NTM: variants seen among roughly 807,000 people sequenced by gnomAD.
The protein encoded by NTM is neurotrimin.
NTM carries 13 observed loss-of-function variants against 42.1 expected under a neutral mutation model. The observed-to-expected ratio is 0.31, with a 90% confidence interval of 0.20 to 0.49. The LOEUF (loss-of-function observed/expected upper bound fraction) is 0.49. Among genes scored for constraint, NTM ranks in the 20% least tolerant of loss-of-function variants. NTM has a pLI of 0.99. For synonymous variants in NTM, 187 were observed against 179.2 expected, an observed-to-expected ratio of 1.04 and a Z score of -0.35; for missense variants, 373 against 452.8, an observed-to-expected ratio of 0.82 and a Z score of 1.60.
intron 1 of NTM, among the ~76,000 whole-genome samples, chr11:131,484,726 T>A (rs1182854244): frequency 1.3e-5 from 2 of 152,114 alleles, no homozygotes; most frequent in Non-Finnish European, 2.9e-5. Context: ...GGGTCTGAAG[T>A]CCTAAAGACA....
At chr11:131,440,046 T>C (rs1949486787) in intron 1 of NTM, among the ~76,000 whole-genome samples, 1 of 151,946 alleles carries the variant, frequency 6.6e-6, no homozygotes, top group African/African-American at 2.4e-5. Flanking sequence ...TTTTCTCCTC[T>C]TATTTTCTTG....
chr11:131,932,817 C>A (rs539972531), intron 2 of NTM, among the ~76,000 whole-genome samples: 1 of 152,360 alleles, frequency 6.6e-6, no homozygotes, highest in Admixed American at 6.5e-5. Flanking sequence ...ACAGCCGATC[C>A]TTGGGGCATC....
At chr11:132,232,135 G>A (rs1272654797) in intron 4 of NTM, among the ~76,000 whole-genome samples, 3 of 152,236 alleles carry the variant, frequency 2.0e-5, no homozygotes, top group East Asian at 1.9e-4. Flanking sequence ...GAGCTCTGCA[G>A]CTGGAGAGTG....
At chr11:132,330,880 AGGC>A (rs1488048398) in intron 8 of NTM, among the ~76,000 whole-genome samples, 22 of 152,182 alleles carry the variant, frequency 1.4e-4, no homozygotes, top group Non-Finnish European at 4.4e-5. Flanking sequence ...CCATGTCACT[AGGC>A]AGATGGGCTG....
chr11:132,081,948 T>TTATA (rs10547769), intron 2 of NTM, among the ~76,000 whole-genome samples: 188 of 144,202 alleles, frequency 1.3e-3, no homozygotes, highest in African/African-American at 4.7e-3. Context: ...ATATATATAT[T>TTATA]TATATATATA....
At chr11:132,075,147 G>A (rs1163075029) in intron 2 of NTM, among the ~76,000 whole-genome samples, 1 of 152,080 alleles carries the variant, frequency 6.6e-6, no homozygotes, top group Non-Finnish European at 1.5e-5. Context: ...CAAATTCATA[G>A]AATCAAAGAG....
intron 4 of NTM, among the ~76,000 whole-genome samples, chr11:132,230,653 A>G (rs551888388): frequency 6.6e-6 from 1 of 152,352 alleles, no homozygotes; most frequent in East Asian, 1.9e-4. Flanking sequence ...TAAGACCGTG[A>G]TAGGATGTAT....
At position 132,002,760 on chromosome 11, in the gene NTM, C is replaced by G. The variant is rs926839215; in HGVS notation, c.167+91112C>G. ...GTTCTGCCACTTCCTTACTCTGTCT[C>G]TTTATCAATAAACTCATTGGGAAAA... On this transcript the variant is annotated intron_variant, in intron 2 of 8. Coordinates refer to ENST00000683400, the MANE Select transcript of NTM (RefSeq NM_001352005.2). The surrounding 1 kb of genome is among the most constrained non-coding windows in gnomAD (Gnocchi z 4.5). 6.6e-6 allele frequency among the ~76,000 whole-genome samples: 1 copy of G among 152,162 alleles called. No individual in the cohort carries two copies. The highest frequency in any genetic ancestry group is 2.4e-5 in the African/African-American group (1 of 41,410).
chr11:131,690,293 C>T (rs768884608), intron 1 of NTM, among the ~76,000 whole-genome samples: 3 of 152,158 alleles, frequency 2.0e-5, no homozygotes, highest in Admixed American at 6.5e-5. Context: ...TTCCAGAAAT[C>T]GAGGGGCAGG....
At chr11:132,235,574 G>A (rs988764941) in intron 4 of NTM, among the ~76,000 whole-genome samples, 6 of 152,058 alleles carry the variant, frequency 3.9e-5, no homozygotes, top group Admixed American at 2.0e-4. Flanking sequence ...TCCCTATGTA[G>A]CACTAACTCA....
At chr11:131,505,135 A>G (rs1666698189) in intron 1 of NTM, among the ~76,000 whole-genome samples, 2 of 152,006 alleles carry the variant, frequency 1.3e-5, no homozygotes, top group South Asian at 2.1e-4. Flanking sequence ...CATCTAAGAA[A>G]TAGGGGTAAT....
chr11:131,732,920 AATATT>A (rs772236128), intron 1 of NTM, among the ~76,000 whole-genome samples: 190 of 152,318 alleles, frequency 1.2e-3, no homozygotes, highest in African/African-American at 4.3e-3. Flanking sequence ...GTTTTACATT[AATATT>A]ATGTCAGTGA....
intron 1 of NTM, among the ~76,000 whole-genome samples, chr11:131,728,733 C>T (rs1014124283): frequency 6.6e-6 from 1 of 151,576 alleles, no homozygotes; most frequent in East Asian, 1.9e-4. Flanking sequence ...AATTCGTGAT[C>T]AACTTAACCT....
At chr11:132,242,680 C>G (rs931190940) in intron 4 of NTM, among the ~76,000 whole-genome samples, 1 of 152,222 alleles carries the variant, frequency 6.6e-6, no homozygotes, top group Non-Finnish European at 1.5e-5. Context: ...GTCTGAGATT[C>G]ATGAGATCAC....
At chr11:132,001,418 A>G (rs2069205477) in intron 2 of NTM, among the ~76,000 whole-genome samples, 1 of 152,248 alleles carries the variant, frequency 6.6e-6, no homozygotes, top group African/African-American at 2.4e-5. Context: ...TGGATAATGT[A>G]TAAAGAAAAG....
chr11:131,532,950 G>A (rs949194730), intron 1 of NTM, among the ~76,000 whole-genome samples: 10 of 151,880 alleles, frequency 6.6e-5, no homozygotes, highest in Non-Finnish European at 1.3e-4. Flanking sequence ...GAATATATAA[G>A]TTGTGACTAC....
At chr11:131,422,584 T>C (rs1032922228) in intron 1 of NTM, among the ~76,000 whole-genome samples, 2 of 152,236 alleles carry the variant, frequency 1.3e-5, no homozygotes, top group African/African-American at 2.4e-5. Context: ...TCTTTCAAAG[T>C]AAATTGGGCC....
At chr11:132,314,822 A>T in intron 7 of NTM, 119 bp downstream of exon 7, 1 of 1,395,772 alleles carries the variant, frequency 7.2e-7, no homozygotes, top group South Asian at 1.8e-5. Context: ...GGACATGGAG[A>T]GGGAGGAAAA....
chr11:131,769,723 T>A (rs948276609), intron 1 of NTM: 5 of 223,484 alleles, frequency 2.2e-5, no homozygotes, highest in African/African-American at 1.2e-4. Context: ...GCCAGTGACT[T>A]GGATCAAGGC....
Sources: gnomAD v4.1 joint callset for allele counts (sites outside exome capture counted in the v4.1 genomes callset) on GRCh38, gnomAD v4.1.1 for gene constraint, Gnocchi (gnomAD v3.1) non-coding constraint, MANE v1.5 for transcripts, NCBI Gene and HGNC (gene_info 2026-07-23, HGNC 2026-07-21) for gene names.